Variants in NECAB1 observed in about 807,000 individuals in gnomAD.
NECAB1 encodes the protein N-terminal EF-hand calcium binding protein 1, also known as N-terminal EF-hand calcium-binding protein 1.
Under a neutral mutation model 57.5 loss-of-function variants are expected in NECAB1, and 29 were observed. That is an observed-to-expected ratio of 0.50 (90% CI 0.38 to 0.69). The LOEUF (loss-of-function observed/expected upper bound fraction) is 0.69, where lower values mean the gene tolerates loss of function less well. NECAB1 is among the 30% of genes least tolerant of loss of function. The pLI is 0.00. For missense variants in NECAB1, 372 were observed against 413.8 expected (o/e 0.90, Z 0.88); for synonymous variants, 142 against 147.7 (o/e 0.96, Z 0.28).
chr8:90,893,048 G>T (rs1162235539), intron 5 of NECAB1, among the ~76,000 whole-genome samples: 1 of 152,080 alleles, frequency 6.6e-6, no homozygotes, highest in Non-Finnish European at 1.5e-5. Flanking sequence ...CTCCCAACTG[G>T]ATCTTGCCAT....
intron 8 of NECAB1, among the ~76,000 whole-genome samples, chr8:90,928,688 C>T (rs1028310452): frequency 6.6e-6 from 1 of 152,062 alleles, no homozygotes; most frequent in Admixed American, 6.5e-5. Context: ...AAGTTGAAGT[C>T]TTGGGAATCT....
intron 3 of NECAB1, among the ~76,000 whole-genome samples, chr8:90,861,546 C>T (rs1008257800): frequency 2.6e-5 from 4 of 152,258 alleles, no homozygotes; most frequent in South Asian, 4.1e-4. Flanking sequence ...AAAGGAAATG[C>T]TGTCACATGG....
chr8:90,864,706 A>G (rs893154374), intron 3 of NECAB1, among the ~76,000 whole-genome samples: 1 of 151,830 alleles, frequency 6.6e-6, no homozygotes, highest in African/African-American at 2.4e-5. Flanking sequence ...CTCTCCCATC[A>G]TTTCTCTGTC....
At chr8:90,950,560 TA>T (rs1438090677) in intron 11 of NECAB1, among the ~76,000 whole-genome samples, 1 of 152,144 alleles carries the variant, frequency 6.6e-6, no homozygotes. Flanking sequence ...TTTAGGGTGT[TA>T]AATATGGTGA....
At chr8:90,931,545 C>G (rs961063065) in intron 8 of NECAB1, among the ~76,000 whole-genome samples, 1 of 152,296 alleles carries the variant, frequency 6.6e-6, no homozygotes, top group African/African-American at 2.4e-5. Flanking sequence ...TCCATTTCAG[C>G]CTCCATGAGA....
intron 8 of NECAB1, among the ~76,000 whole-genome samples, chr8:90,930,603 G>C (rs951990206): frequency 2.6e-5 from 4 of 152,294 alleles, no homozygotes; most frequent in Non-Finnish European, 4.4e-5. Context: ...TTCTGTGCAA[G>C]AGCCAAGTTA....
chr8:90,829,453 A>G (rs1458067214), intron 3 of NECAB1, among the ~76,000 whole-genome samples: 1 of 151,994 alleles, frequency 6.6e-6, no homozygotes, highest in East Asian at 1.9e-4. Context: ...ACCAAAACCA[A>G]TTTTCCCAGC....
chr8:90,947,303 TACACAC>T (rs71771328), intron 10 of NECAB1, among the ~76,000 whole-genome samples: 926 of 78,234 alleles, frequency 0.012, 12 homozygotes, highest in East Asian at 0.021. Context: ...TAACAACACA[TACACAC>T]ACACACACAC....
At chr8:90,871,618 ATCAAGTCAGGAC>A (rs1177391326) in intron 3 of NECAB1, among the ~76,000 whole-genome samples, 1 of 152,160 alleles carries the variant, frequency 6.6e-6, no homozygotes, top group African/African-American at 2.4e-5. Flanking sequence ...TAGCATTTCT[ATCAAGTCAGGAC>A]TTATGATAGC....
intron 3 of NECAB1, among the ~76,000 whole-genome samples, chr8:90,837,819 G>A (rs2129736742): frequency 6.6e-6 from 1 of 152,278 alleles, no homozygotes; most frequent in South Asian, 2.1e-4. Flanking sequence ...GTCTGTACCA[G>A]ACTTGTTTAA....
intron 2 of NECAB1, among the ~76,000 whole-genome samples, chr8:90,806,109 G>A (rs1463182483): frequency 1.3e-5 from 2 of 152,214 alleles, no homozygotes; most frequent in Non-Finnish European, 2.9e-5. Flanking sequence ...CTTCATAGTA[G>A]TGAATAGCAC....
rs1811017360 is a variant in NECAB1 at position 90,955,618 on chromosome 8, G to A, written c.*106G>A. ...GGTTGTTAATCTACTGTATATTTTT[G>A]TTTGGTATATTTACTAAGTGCACTC... On this transcript the variant is annotated 3_prime_UTR_variant, in exon 13 of 13. Coordinates refer to ENST00000417640, the MANE Select transcript of NECAB1 (RefSeq NM_022351.5). The A allele has an allele frequency of 1.2e-6, 1 of 829,450 alleles. No homozygotes were observed. The highest frequency in any genetic ancestry group is 1.8e-6 in the Non-Finnish European group (1 of 543,408). 51.4% of individuals were successfully genotyped at this position (829,450 alleles called of 1,614,324 possible).
chr8:90,873,917 A>G (rs946394318), intron 4 of NECAB1, among the ~76,000 whole-genome samples: 1 of 152,188 alleles, frequency 6.6e-6, no homozygotes, highest in Non-Finnish European at 1.5e-5. Flanking sequence ...GTATTTATGG[A>G]AAAAGCTTTG....
intron 3 of NECAB1, among the ~76,000 whole-genome samples, chr8:90,858,722 A>T (rs901924812): frequency 1.3e-4 from 20 of 152,162 alleles, no homozygotes; most frequent in Admixed American, 1.2e-3. Context: ...CAGCATTACA[A>T]AAGAATATCA....
intron 1 of NECAB1, among the ~76,000 whole-genome samples, chr8:90,793,461 G>A (rs1318207561): frequency 6.6e-6 from 1 of 152,106 alleles, no homozygotes; most frequent in African/African-American, 2.4e-5. Context: ...TATCCTTCAT[G>A]AGCATTTATC....
intron 1 of NECAB1, among the ~76,000 whole-genome samples, chr8:90,799,434 G>A (rs755380702): frequency 2.6e-5 from 4 of 152,090 alleles, no homozygotes; most frequent in Non-Finnish European, 5.9e-5. Flanking sequence ...GATTTTTATA[G>A]TGTGAGGTCT....
chr8:90,824,918 AGAGGG>A, intron 3 of NECAB1, 93 bp downstream of exon 3: 1 of 593,706 alleles, frequency 1.7e-6, no homozygotes, highest in Non-Finnish European at 2.8e-6. Flanking sequence ...AGAACAATAT[AGAGGG>A]TATATTTTGC....
At chr8:90,927,816 T>TA (rs1554576599) in intron 7 of NECAB1, among the ~76,000 whole-genome samples, 2 of 151,344 alleles carry the variant, frequency 1.3e-5, no homozygotes, top group Admixed American at 1.3e-4. Context: ...TTTTTTTTTT[T>TA]ATCGTAGCAA....
At chr8:90,924,144 A>T (rs180700920) in intron 6 of NECAB1, among the ~76,000 whole-genome samples, 1 of 152,192 alleles carries the variant, frequency 6.6e-6, no homozygotes, top group South Asian at 2.1e-4. Context: ...TCAAGAAAAC[A>T]CTAGATTTTT....
Sources: gnomAD v4.1 joint callset for allele counts (sites outside exome capture counted in the v4.1 genomes callset) on GRCh38, gnomAD v4.1.1 for gene constraint, MANE v1.5 for transcripts, NCBI Gene and HGNC (gene_info 2026-07-23, HGNC 2026-07-21) for gene names.